Variants in MYOF observed in about 807,000 individuals in gnomAD.
The protein encoded by MYOF is fer-1-like 3, myoferlin.
Under a neutral mutation model 284.2 loss-of-function variants are expected in MYOF, and 244 were observed. The observed-to-expected ratio is 0.86, with a 90% CI of 0.77 to 0.95. MYOF has a LOEUF of 0.95. Ranked by LOEUF, MYOF falls within the 40% of genes least tolerant of loss-of-function variation. MYOF has a pLI of 0.00. For missense variants in MYOF, 2,496 were observed against 2,560.6 expected (o/e 0.97, Z 0.54); for synonymous variants, 904 against 919.7 (o/e 0.98, Z 0.31).
intron 15 of MYOF, 163 bp downstream of exon 15, chr10:93,397,084 C>T (rs1454057397): frequency 3.6e-6 from 2 of 555,116 alleles, no homozygotes; most frequent in East Asian, 6.2e-5. Context: ...TGCAGTAACA[C>T]TATTATTAAA....
chr10:93,354,906 T>C, intron 31 of MYOF, among the ~76,000 whole-genome samples: 1 of 152,214 alleles, frequency 6.6e-6, no homozygotes, highest in Non-Finnish European at 1.5e-5. Flanking sequence ...CAAGTTATAA[T>C]ATGTACAGGT....
intron 22 of MYOF, among the ~76,000 whole-genome samples, chr10:93,375,199 A>G (rs906608358): frequency 1.3e-5 from 2 of 152,358 alleles, no homozygotes; most frequent in South Asian, 2.1e-4. Context: ...AAGCCATTTT[A>G]GGCCTTAGGG....
intron 1 of MYOF, among the ~76,000 whole-genome samples, chr10:93,464,554 A>C (rs540042861): frequency 1.3e-5 from 2 of 152,288 alleles, no homozygotes; most frequent in East Asian, 3.9e-4. Context: ...CTGAACTTTC[A>C]TATCTGTGAC....
rs1237442282 is a variant in MYOF, at chr10:93,401,488, G to C, written c.1047C>G (p.Leu349=). The stretch of plus-strand genomic sequence containing the variant: ...CCCACCGGAGGGCAATGCCAGCAGG[G>C]AGTAACAAATTACTCTCCACATCAT... ...DSDDVESNLL[L]PAGIALRWVT... The change falls in exon 12 of 54, where the codon CTC becomes CTG. Residue 349 remains leucine, a synonymous_variant. Transcript: ENST00000359263. The C allele has an allele frequency of 6.2e-7, 1 of 1,613,998 alleles. No homozygotes were observed. Among genetic ancestry groups the C allele is most frequent in the South Asian group, 1.1e-5 (1 of 91,074 alleles).
chr10:93,380,777 GT>G lies in MYOF; in HGVS notation c.1876+441del, dbSNP rs368500592. On this transcript the variant is annotated intron_variant, in intron 20 of 53. Transcript: ENST00000359263. Reference sequence around the variant, plus strand: ...CTGAGGGTTAGAATTCAGTGACACGGTTAAGGTCACAAGCTGGTGAGTAACA... The same window carrying G: ...CTGAGGGTTAGAATTCAGTGACACGGTAAGGTCACAAGCTGGTGAGTAACA... 1.6e-4 allele frequency among the ~76,000 whole-genome samples: 25 copies of G among 152,308 alleles called. No individual in the cohort carries two copies. In the East Asian group the frequency reaches 4.6e-3, roughly 28 times the overall value.
At chr10:93,359,095 CAT>C (rs1239955304) in intron 29 of MYOF, among the ~76,000 whole-genome samples, 1 of 152,168 alleles carries the variant, frequency 6.6e-6, no homozygotes, top group African/African-American at 2.4e-5. Context: ...AAAATAATGT[CAT>C]AGTGCCTACC....
intron 44 of MYOF, among the ~76,000 whole-genome samples, chr10:93,329,273 G>A (rs996824377): frequency 2.6e-5 from 4 of 152,102 alleles, no homozygotes; most frequent in Non-Finnish European, 5.9e-5. Flanking sequence ...AGGGGAAGAG[G>A]GAGTCACAAA....
At chr10:93,307,189 C>CCT (rs374439739) in intron 53 of MYOF, among the ~76,000 whole-genome samples, 188 bp from the exon 54 acceptor site, 1 of 100,166 alleles carries the variant, frequency 1.0e-5, no homozygotes, top group African/African-American at 3.0e-5. Flanking sequence ...GCCAGTAGCA[C>CCT]CCCCCCGCCA....
In MYOF at chr10:93,401,545, C is replaced by A; in HGVS notation, c.991-1G>T. ...CATTATCACGATCTCGTCTCTCAGG[C>A]TATTAGGGGCACATGATTTAAATTA... is the stretch of plus-strand genomic sequence containing the variant. On this transcript the variant is annotated splice_acceptor_variant, in intron 11 of 53. Coordinates refer to ENST00000359263, the MANE Select transcript of MYOF (RefSeq NM_013451.4). LOFTEE classifies it high-confidence loss of function. 1 of 1,613,750 alleles carries A rather than the reference C, an allele frequency of 6.2e-7. No individual in the cohort carries two copies. Among genetic ancestry groups the A allele is most frequent in the Non-Finnish European group, 8.5e-7 (1 of 1,179,900 alleles).
At chr10:93,479,093 T>C (rs2057334849) in intron 1 of MYOF, among the ~76,000 whole-genome samples, 1 of 152,036 alleles carries the variant, frequency 6.6e-6, no homozygotes, top group East Asian at 1.9e-4. Flanking sequence ...ATATTTCTGT[T>C]AACACAGGGA....
chr10:93,444,831 C>G (rs2056382458), intron 3 of MYOF, among the ~76,000 whole-genome samples: 1 of 152,224 alleles, frequency 6.6e-6, no homozygotes, highest in African/African-American at 2.4e-5. Context: ...GAAGATGGCA[C>G]TTTTAGGAAC....
At chr10:93,407,853 A>G (rs1324967112) in intron 7 of MYOF, among the ~76,000 whole-genome samples, 2 of 152,046 alleles carry the variant, frequency 1.3e-5, no homozygotes, top group Admixed American at 6.5e-5. Flanking sequence ...GTACGTTTTG[A>G]CACCTCTAAA....
At chr10:93,469,889 A>G (rs1323069429) in intron 1 of MYOF, among the ~76,000 whole-genome samples, 1 of 152,190 alleles carries the variant, frequency 6.6e-6, no homozygotes, top group African/African-American at 2.4e-5. Flanking sequence ...TCAGCTCTCA[A>G]GTGAGGACTT....
chr10:93,397,864 G>A (rs913221453), intron 13 of MYOF, among the ~76,000 whole-genome samples: 15 of 151,754 alleles, frequency 9.9e-5, no homozygotes, highest in Non-Finnish European at 1.6e-4. Context: ...TCTTTCCATC[G>A]CTCTTCATTC....
At position 93,360,849 on chromosome 10, in the gene MYOF, C is replaced by T. The variant is rs1845035319; in HGVS notation, c.2974+603G>A. Reference sequence around the variant, plus strand: ...GGTTAGAATAGAGAAAATCTTGACTCCAGCTCCCTCCCAAATTCTCATCCT... The same window carrying T: ...GGTTAGAATAGAGAAAATCTTGACTTCAGCTCCCTCCCAAATTCTCATCCT... On this transcript the variant is annotated intron_variant, in intron 28 of 53. Transcript: ENST00000359263. Among the ~76,000 whole-genome samples the T allele has an allele frequency of 7.2e-5, 11 of 152,260 alleles. No individual in the cohort carries two copies. In the South Asian group the frequency reaches 2.3e-3, roughly 32 times the overall value.
At chr10:93,478,232 T>G (rs777892739) in intron 1 of MYOF, 2 of 342,000 alleles carry the variant, frequency 5.8e-6, no homozygotes, top group African/African-American at 4.4e-5. Context: ...AGAGTTGAAA[T>G]TGGTCTCAGA....
At chr10:93,369,529 G>T in intron 25 of MYOF, 116 bp downstream of exon 25, 1 of 1,417,544 alleles carries the variant, frequency 7.1e-7, no homozygotes. Flanking sequence ...GATTTTAGGG[G>T]ATGGTAAGGA....
intron 5 of MYOF, chr10:93,425,801 T>C: frequency 2.0e-6 from 1 of 492,294 alleles, no homozygotes; most frequent in Non-Finnish European, 3.7e-6. Context: ...CCCTGGGACA[T>C]TCTGCTGGAG....
chr10:93,347,798 G>A lies in MYOF; in HGVS notation c.4084-16C>T, dbSNP rs370172739. 8 of 1,604,358 alleles carry A rather than the reference G, an allele frequency of 5.0e-6. No homozygotes were observed. The highest frequency in any genetic ancestry group is 6.8e-6 in the Non-Finnish European group (8 of 1,173,310). On this transcript the variant is annotated splice_polypyrimidine_tract_variant and intron_variant, in intron 36 of 53. Transcript: ENST00000359263. ...TGGGCAAGAACTGGGGGTCACAAAG[G>A]TAGGTTTCATTTCTCAAGACCAGAC...
Sources: allele counts gnomAD v4.1 joint callset (sites outside exome capture counted in the v4.1 genomes callset), GRCh38; gene constraint gnomAD v4.1.1; transcripts MANE v1.5; gene names NCBI Gene and HGNC (gene_info 2026-07-23, HGNC 2026-07-21).